Variants in NLN observed in about 807,000 individuals in gnomAD.
NLN encodes the protein neurolysin, mitochondrial.
Under a neutral mutation model 79.9 loss-of-function variants are expected in NLN, and 64 were observed. That is an observed-to-expected ratio of 0.80 (90% CI 0.65 to 0.99). NLN has a LOEUF of 0.99. NLN is among the 50% of genes least tolerant of loss of function. NLN has a pLI of 0.00. For missense variants in NLN, 835 were observed against 858.7 expected, an observed-to-expected ratio of 0.97 and a Z score of 0.34; for synonymous variants, 267 against 296.6, an observed-to-expected ratio of 0.90 and a Z score of 1.02.
Position 65,722,275 on chromosome 5 carries a change from G to A in NLN, c.-99G>A. On this transcript the variant is annotated 5_prime_UTR_variant, in exon 1 of 13. Coordinates refer to ENST00000380985, the MANE Select transcript of NLN (RefSeq NM_020726.5). ...CAGCCACTGTGGCCTCTGCGGCTAGGCCGGCTCGAGACTCCCGGGCGCCCA... is the reference window on the plus strand; with the variant it reads ...CAGCCACTGTGGCCTCTGCGGCTAGACCGGCTCGAGACTCCCGGGCGCCCA... The A allele has an allele frequency of 2.2e-6, 2 of 918,014 alleles. No homozygotes were observed. The highest frequency in any genetic ancestry group is 3.2e-4 in the Middle Eastern group (1 of 3,162). 56.9% of individuals were successfully genotyped at this position (918,014 alleles called of 1,614,324 possible).
chr5:65,724,071 CAGTG>C, intron 1 of NLN, among the ~76,000 whole-genome samples: 1 of 139,006 alleles, frequency 7.2e-6, no homozygotes, highest in Non-Finnish European at 1.5e-5. Context: ...GCCCCCCAAT[CAGTG>C]AGAAGATTAA....
In NLN at chr5:65,829,204, TC is replaced by T. The variant is rs1205170231; in HGVS notation, c.*6293del. 6.6e-6 allele frequency: 1 copy of T among 152,200 alleles called. No homozygotes were observed. Among genetic ancestry groups the T allele is most frequent in the Non-Finnish European group, 1.5e-5 (1 of 68,046 alleles). 9.4% of individuals were successfully genotyped at this position (152,200 alleles called of 1,614,324 possible). ...GTGATCTCTTCGAGGCTTGTTTCTG[TC>T]CCCTGTCCTCCACAGTCCTGGATTG... On this transcript the variant is annotated 3_prime_UTR_variant, in exon 13 of 13. Transcript: ENST00000380985.
intron 1 of NLN, among the ~76,000 whole-genome samples, chr5:65,753,258 G>T (rs1759140782): frequency 6.6e-6 from 1 of 152,158 alleles, no homozygotes. Flanking sequence ...AATCAGATAT[G>T]CTGTGACCAC....
At chr5:65,767,277 T>C (rs1464179363) in intron 3 of NLN, among the ~76,000 whole-genome samples, 1 of 152,142 alleles carries the variant, frequency 6.6e-6, no homozygotes, top group African/African-American at 2.4e-5. Flanking sequence ...CTCTGAAATC[T>C]AGGAGGTTCA....
At chr5:65,783,155 A>T (rs1305086386) in intron 6 of NLN, among the ~76,000 whole-genome samples, 2 of 152,192 alleles carry the variant, frequency 1.3e-5, no homozygotes, top group Admixed American at 6.5e-5. Flanking sequence ...GAGAGGGAAG[A>T]CTGAGGAGTT....
intron 1 of NLN, chr5:65,732,881 A>G: frequency 9.1e-6 from 4 of 438,216 alleles, no homozygotes; most frequent in South Asian, 8.9e-5. Flanking sequence ...CTGAGTCTTC[A>G]TCAGGCAGCA....
intron 1 of NLN, among the ~76,000 whole-genome samples, chr5:65,745,847 T>C (rs1254175200): frequency 6.6e-6 from 1 of 152,184 alleles, no homozygotes; most frequent in Admixed American, 6.5e-5. Flanking sequence ...GAGAACAGAT[T>C]AGAAAGCATC....
In NLN at chr5:65,780,116, G is replaced by A. The variant is rs567952992; in HGVS notation, c.559-63G>A. 5 of 731,580 alleles carry A rather than the reference G, an allele frequency of 6.8e-6. No homozygotes were observed. The East Asian group carries it at 8.2e-5, about 12-fold the overall frequency. 45.3% of individuals were successfully genotyped at this position (731,580 alleles called of 1,614,324 possible). ...GCTGGGATTACAGGTGTGGGCCACC[G>A]TGCCTGGCAAAAAATGAGTTTCTTT... On this transcript the variant is annotated intron_variant, in intron 4 of 12. Coordinates refer to ENST00000380985, the MANE Select transcript of NLN (RefSeq NM_020726.5).
rs377620079 is a variant in NLN, at chr5:65,731,604, C to G, written c.41+9190C>G. Among the ~76,000 whole-genome samples the G allele has an allele frequency of 1.6e-3, 238 of 152,030 alleles. 1 individual carries two copies. Among genetic ancestry groups the G allele is most frequent in the African/African-American group, 5.3e-3 (221 of 41,474 alleles). On this transcript the variant is annotated intron_variant, in intron 1 of 12. Coordinates refer to ENST00000380985, the MANE Select transcript of NLN (RefSeq NM_020726.5). ...ATTATTGTTGCTTTTTGCTTTTTTG[C>G]TTTATCCCTACAAAAGTTTAAATTT...
Position 65,788,120 on chromosome 5 carries a change from G to A in NLN, c.961G>A (p.Asp321Asn), listed in dbSNP as rs1367838656. Reference sequence around the variant, plus strand: ...CTAACTTTTCCTTTTCCTTACAGATGATTTAAGCCAGAAGTTAAAACCCTT... The same window carrying A: ...CTAACTTTTCCTTTTCCTTACAGATAATTTAAGCCAGAAGTTAAAACCCTT... The part of the protein sequence containing the change: ...STSRVTAFLD[D>N]LSQKLKPLGE... The change falls in exon 8 of 13, where the codon GAT (aspartate) becomes AAT (asparagine). Residue 321 changes from aspartate to asparagine, a missense_variant and splice_region_variant. By Grantham distance (23) the Asp-to-Asn change is conservative. Transcript: ENST00000380985. 3 of 1,610,604 alleles carry A rather than the reference G, an allele frequency of 1.9e-6. No individual in the cohort carries two copies. The highest frequency in any genetic ancestry group is 1.7e-6 in the Non-Finnish European group (2 of 1,178,786).
At chr5:65,797,363 A>G (rs913898796) in intron 9 of NLN, among the ~76,000 whole-genome samples, 2 of 152,246 alleles carry the variant, frequency 1.3e-5, no homozygotes, top group Non-Finnish European at 2.9e-5. Context: ...AAATTGTGTG[A>G]CATGAAATCA....
chr5:65,744,573 C>A (rs1758934514), intron 1 of NLN, among the ~76,000 whole-genome samples: 2 of 151,124 alleles, frequency 1.3e-5, no homozygotes, highest in African/African-American at 2.4e-5. Flanking sequence ...AATAAAGAAC[C>A]AGCATTTATT....
chr5:65,818,399 A>G (rs912374038), intron 12 of NLN, among the ~76,000 whole-genome samples: 1 of 151,800 alleles, frequency 6.6e-6, no homozygotes, highest in Non-Finnish European at 1.5e-5. Context: ...CCCCCCATAC[A>G]TACTCCTACC....
intron 9 of NLN, chr5:65,793,577 A>C (rs547927678): frequency 1.3e-5 from 2 of 151,860 alleles, no homozygotes; most frequent in Admixed American, 6.6e-5. Context: ...GGTTGTAGTG[A>C]GCCATGATTG....
At chr5:65,796,883 A>C (rs1053907240) in intron 9 of NLN, among the ~76,000 whole-genome samples, 2 of 152,240 alleles carry the variant, frequency 1.3e-5, no homozygotes, top group African/African-American at 4.8e-5. Context: ...ATGGCAGCTC[A>C]GTGTTTGAGC....
chr5:65,794,557 A>G (rs2150765650), intron 9 of NLN, among the ~76,000 whole-genome samples: 1 of 152,204 alleles, frequency 6.6e-6, no homozygotes, highest in East Asian at 1.9e-4. Flanking sequence ...GTGAGCTGTG[A>G]TCGCGCCACT....
chr5:65,761,005 T>A (rs1413916889), intron 2 of NLN, among the ~76,000 whole-genome samples: 5 of 152,186 alleles, frequency 3.3e-5, no homozygotes, highest in Admixed American at 1.3e-4. Flanking sequence ...TTCTCTTATC[T>A]GGGCATATTC....
intron 1 of NLN, among the ~76,000 whole-genome samples, chr5:65,751,261 G>C (rs552411359): frequency 6.6e-6 from 1 of 152,206 alleles, no homozygotes; most frequent in African/African-American, 2.4e-5. Flanking sequence ...ATTGGTAGGA[G>C]GTAGAAGTTG....
In NLN at chr5:65,772,763, C is replaced by T. The variant is rs530542476; in HGVS notation, c.451-4664C>T. ...TTTTTTTTTTAGAAACAGGGTCTGGCTCTGTCACCCAGGCTGGACCGTAGT... is the reference window on the plus strand; with the variant it reads ...TTTTTTTTTTAGAAACAGGGTCTGGTTCTGTCACCCAGGCTGGACCGTAGT... On this transcript the variant is annotated intron_variant, in intron 3 of 12. Transcript: ENST00000380985. Among the ~76,000 whole-genome samples, 294 of 148,864 alleles carry T rather than the reference C, an allele frequency of 2.0e-3. 3 individuals carry two copies. Among genetic ancestry groups the T allele is most frequent in the African/African-American group, 7.2e-3 (291 of 40,362 alleles).
Sources: gnomAD v4.1 joint callset for allele counts (sites outside exome capture counted in the v4.1 genomes callset) on GRCh38, gnomAD v4.1.1 for gene constraint, MANE v1.5 for transcripts, NCBI Gene and HGNC (gene_info 2026-07-23, HGNC 2026-07-21) for gene names.